HS3ST2: variants seen among roughly 807,000 people sequenced by gnomAD.
HS3ST2 encodes heparan sulfate-glucosamine 3-sulfotransferase 2.
A neutral mutation model predicts 26.3 loss-of-function variants in HS3ST2; 17 were observed. The ratio of observed to expected loss-of-function variants is 0.65; its 90% CI spans 0.44 to 0.97. HS3ST2 has a LOEUF of 0.97. HS3ST2 is among the 50% of genes least tolerant of loss of function. The pLI is 0.00. For synonymous variants in HS3ST2, 237 were observed against 219.2 expected, an observed-to-expected ratio of 1.08 and a Z score of -0.72; for missense variants, 402 against 501.2, an observed-to-expected ratio of 0.80 and a Z score of 1.89.
chr16:22,911,788 T>G (rs1346708046), intron 1 of HS3ST2, among the ~76,000 whole-genome samples: 1 of 152,188 alleles, frequency 6.6e-6, no homozygotes, highest in Admixed American at 6.5e-5. Context: ...TTAACTTAAT[T>G]ACATCTGCAA....
intron 1 of HS3ST2, among the ~76,000 whole-genome samples, chr16:22,858,218 G>A (rs1165034936): frequency 6.6e-6 from 1 of 151,596 alleles, no homozygotes; most frequent in Non-Finnish European, 1.5e-5. Context: ...TAACCCAAAG[G>A]CTAAGTGCTT....
chr16:22,900,558 A>C (rs1902269514), intron 1 of HS3ST2, among the ~76,000 whole-genome samples: 1 of 152,158 alleles, frequency 6.6e-6, no homozygotes, highest in Middle Eastern at 3.4e-3. Context: ...TAGATTAGAC[A>C]TGGGTGTTGC....
At chr16:22,820,727 G>C (rs1032489975) in intron 1 of HS3ST2, among the ~76,000 whole-genome samples, 5 of 152,222 alleles carry the variant, frequency 3.3e-5, no homozygotes, top group African/African-American at 1.2e-4. Context: ...GATTTGGGTG[G>C]GGACACAGCC....
intron 1 of HS3ST2, among the ~76,000 whole-genome samples, chr16:22,847,864 G>GA (rs539238156): frequency 4.0e-4 from 45 of 113,104 alleles, no homozygotes; most frequent in East Asian, 2.7e-3. Context: ...AGGAGAAAAA[G>GA]AAAAAAAAAG....
rs373824301 is a variant in HS3ST2 at position 22,814,781 on chromosome 16, C to T, written c.171C>T (p.Arg57=). The T allele has an allele frequency of 5.1e-5, 82 of 1,599,916 alleles. No homozygotes were observed. In the African/African-American group the frequency reaches 1.1e-3, roughly 21 times the overall value. ...TCCTCGGCGCGCCTCGCTGCCTCCG[C>T]GGCCCCAGCGCGGGCGGCCAGAAAC... is the stretch of plus-strand genomic sequence containing the variant. ...SRLLGAPRCL[R]GPSAGGQKLL... is the part of the protein sequence containing the mutation. The change falls in exon 1 of 2, where the codon CGC becomes CGT. Residue 57 remains arginine, a synonymous_variant. Transcript: ENST00000261374.
In HS3ST2 at chr16:22,847,531, A is replaced by G. The variant is rs187933664; in HGVS notation, c.485+32436A>G. Among the ~76,000 whole-genome samples the G allele has an allele frequency of 5.9e-5, 9 of 152,312 alleles. No individual in the cohort carries two copies. In the East Asian group the frequency reaches 1.7e-3, roughly 29 times the overall value. ...AACTCAGTGTATATTGCAAAACAATATACGTGTTGCAAGATCGTACTGAAA... is the reference window on the plus strand; with the variant it reads ...AACTCAGTGTATATTGCAAAACAATGTACGTGTTGCAAGATCGTACTGAAA... On this transcript the variant is annotated intron_variant, in intron 1 of 1. Coordinates refer to ENST00000261374, the MANE Select transcript of HS3ST2 (RefSeq NM_006043.2).
intron 1 of HS3ST2, among the ~76,000 whole-genome samples, chr16:22,879,514 G>A (rs1901960498): frequency 1.3e-5 from 2 of 152,152 alleles, no homozygotes; most frequent in South Asian, 4.1e-4. Flanking sequence ...CACTCTGCTG[G>A]GGGGCATCCC....
chr16:22,839,294 A>T (rs753585593), intron 1 of HS3ST2, among the ~76,000 whole-genome samples: 1 of 152,230 alleles, frequency 6.6e-6, no homozygotes, highest in Non-Finnish European at 1.5e-5. Context: ...CAGACTGTTT[A>T]CTTATAGCTG....
At chr16:22,849,431 G>C (rs1370328196) in intron 1 of HS3ST2, among the ~76,000 whole-genome samples, 5 of 152,066 alleles carry the variant, frequency 3.3e-5, no homozygotes, top group Non-Finnish European at 5.9e-5. Flanking sequence ...TTTTTTGCGG[G>C]GGGGTATGTC....
chr16:22,915,734 T>A lies in HS3ST2; in HGVS notation c.*172T>A, dbSNP rs1036503969. On this transcript the variant is annotated 3_prime_UTR_variant, in exon 2 of 2. Coordinates refer to ENST00000261374, the MANE Select transcript of HS3ST2 (RefSeq NM_006043.2). The stretch of plus-strand genomic sequence containing the variant: ...CAGCTAAAGCCAAGAGACCAGAGAG[T>A]CCCTGCCACTAGTTTTCATCAGTCT... 5.9e-6 allele frequency: 4 copies of A among 672,814 alleles called. No homozygotes were observed. Among genetic ancestry groups the A allele is most frequent in the East Asian group, 2.7e-5 (1 of 36,390 alleles). 41.7% of individuals were successfully genotyped at this position (672,814 alleles called of 1,614,324 possible).
chr16:22,859,715 T>A (rs1901648869), intron 1 of HS3ST2, among the ~76,000 whole-genome samples: 1 of 152,202 alleles, frequency 6.6e-6, no homozygotes, highest in Non-Finnish European at 1.5e-5. Flanking sequence ...CTATAATCTA[T>A]GATTTATAGC....
At chr16:22,909,181 CA>C (rs1421354604) in intron 1 of HS3ST2, among the ~76,000 whole-genome samples, 1 of 152,308 alleles carries the variant, frequency 6.6e-6, no homozygotes, top group East Asian at 1.9e-4. Flanking sequence ...ACCCTTGGCC[CA>C]TCAAGATTTT....
chr16:22,862,244 T>C (rs1329580366), intron 1 of HS3ST2, among the ~76,000 whole-genome samples: 1 of 151,584 alleles, frequency 6.6e-6, no homozygotes, highest in East Asian at 1.9e-4. Flanking sequence ...TGTGGGTGTG[T>C]GTCTCATTCA....
At chr16:22,893,096 G>A (rs972154276) in intron 1 of HS3ST2, among the ~76,000 whole-genome samples, 32 of 152,184 alleles carry the variant, frequency 2.1e-4, no homozygotes, top group African/African-American at 7.7e-4. Context: ...ACTTTAATGA[G>A]ACTCGTAGCC....
At chr16:22,840,091 C>T (rs1172976209) in intron 1 of HS3ST2, among the ~76,000 whole-genome samples, 1 of 152,220 alleles carries the variant, frequency 6.6e-6, no homozygotes, top group Non-Finnish European at 1.5e-5. Flanking sequence ...AAGCACATGC[C>T]ATCTTTGACA....
intron 1 of HS3ST2, among the ~76,000 whole-genome samples, chr16:22,895,824 T>C (rs1207203174): frequency 6.6e-6 from 1 of 152,144 alleles, no homozygotes; most frequent in African/African-American, 2.4e-5. Context: ...TAATAGTTCA[T>C]TTTATAGTTT....
At chr16:22,818,594 T>C (rs1362902145) in intron 1 of HS3ST2, among the ~76,000 whole-genome samples, 4 of 152,096 alleles carry the variant, frequency 2.6e-5, no homozygotes, top group Non-Finnish European at 5.9e-5. Flanking sequence ...GATAGTTCCA[T>C]ACTTTCCTCT....
intron 1 of HS3ST2, among the ~76,000 whole-genome samples, chr16:22,843,079 C>A (rs1437372483): frequency 6.6e-6 from 1 of 151,460 alleles, no homozygotes; most frequent in Non-Finnish European, 1.5e-5. Flanking sequence ...AAAACTTTCT[C>A]AAACCATGTT....
Position 22,914,763 on chromosome 16 carries a change from A to AAG in HS3ST2, c.486-177_486-176dup, listed in dbSNP as rs1555515335. ...AAAAAAAAAAAAAAAAAAAAAAAAA[A>AAG]AGAGAAGAAAAGAAAATCAACAAGA... is the stretch of plus-strand genomic sequence containing the variant. On this transcript the variant is annotated intron_variant, in intron 1 of 1. Coordinates refer to ENST00000261374, the MANE Select transcript of HS3ST2 (RefSeq NM_006043.2). Among the ~76,000 whole-genome samples the AAG allele has an allele frequency of 2.0e-4, 24 of 118,688 alleles. 3 individuals are homozygous for AAG. Among genetic ancestry groups the AAG allele is most frequent in the Non-Finnish European group, 2.7e-4 (15 of 56,212 alleles). The allele number at this position is 118,688 out of a possible 152,430, so 77.9% of individuals were successfully genotyped here.
Sources: allele counts gnomAD v4.1 joint callset (sites outside exome capture counted in the v4.1 genomes callset), GRCh38; gene constraint gnomAD v4.1.1; transcripts MANE v1.5; gene names NCBI Gene and HGNC (gene_info 2026-07-23, HGNC 2026-07-21).